The following F12 variants were observed in gnomAD, a reference collection of about 807,000 sequenced individuals.
F12 encodes the protein Hageman factor.
Under a neutral mutation model 74.8 loss-of-function variants are expected in F12, and 70 were observed. The observed-to-expected ratio is 0.94, with a 90% CI of 0.77 to 1.14. The LOEUF is 1.14. Among genes scored for constraint, F12 ranks in the 50% most tolerant of loss-of-function variants. The probability of loss-of-function intolerance (pLI) is 0.00; values close to 1 mark genes in which losing one functional copy is unlikely to be tolerated. For synonymous variants in F12, 373 were observed against 356.4 expected, an observed-to-expected ratio of 1.05 and a Z score of -0.52; for missense variants, 811 against 835.7, an observed-to-expected ratio of 0.97 and a Z score of 0.36.
Position 177,409,361 on chromosome 5 carries a change from G to C in F12, c.57+110C>G, listed in dbSNP as rs2127362652. ...GGGCTGGCCTCACCTTTCCACATAG[G>C]CCTCCTAGTCACCTGGACCCACAGG... On this transcript the variant is annotated intron_variant, in intron 1 of 13. Coordinates refer to ENST00000253496, the MANE Select transcript of F12 (RefSeq NM_000505.4). 1.4e-5 allele frequency: 18 copies of C among 1,326,376 alleles called. No individual in the cohort carries two copies. In the South Asian group the frequency reaches 1.9e-4, roughly 14 times the overall value. The allele number at this position is 1,326,376 out of a possible 1,614,324, so 82.2% of individuals were successfully genotyped here.
Position 177,402,254 on chromosome 5 carries a change from C to T in F12, c.*38G>A, listed in dbSNP as rs1372467660. The T allele has an allele frequency of 9.3e-6, 15 of 1,610,282 alleles. No individual in the cohort carries two copies. The highest frequency in any genetic ancestry group is 1.3e-5 in the Non-Finnish European group (15 of 1,178,596). The stretch of plus-strand genomic sequence containing the variant: ...CCATGCCCCAGCCACTCTCTCACTG[C>T]GGAATCACCAAGGAGGGAAAGATGA... On this transcript the variant is annotated 3_prime_UTR_variant, in exon 14 of 14. Transcript: ENST00000253496.
At chr5:177,405,571 G>T in intron 4 of F12, 138 bp from the exon 5 acceptor site, 1 of 1,188,232 alleles carries the variant, frequency 8.4e-7, no homozygotes, top group Non-Finnish European at 1.2e-6. Context: ...TGCAAAATGG[G>T]ACCACTCCTT....
chr5:177,405,964 G>C lies in F12; in HGVS notation c.213C>G (p.Pro71=). 1.9e-6 allele frequency: 3 copies of C among 1,613,850 alleles called. No homozygotes were observed. Among genetic ancestry groups the C allele is most frequent in the Non-Finnish European group, 2.5e-6 (3 of 1,179,800 alleles). Residue 71 remains proline, a splice_region_variant and synonymous_variant, in exon 3 of 14, where the codon CCC becomes CCG. Coordinates refer to ENST00000253496, the MANE Select transcript of F12 (RefSeq NM_000505.4). ...CCAACTCCTCTGCGTAGTCTTACCA[G>C]GGCTGAGGGCCTGGCCGGCCCTTGT... The part of the protein sequence containing the change: ...CTHKGRPGPQ[P]WCATTPNFDQ...
In F12 at chr5:177,404,227, G is replaced by T; in HGVS notation, c.987C>A (p.Thr329=). The T allele has an allele frequency of 1.2e-6, 2 of 1,603,256 alleles. No homozygotes were observed. The highest frequency in any genetic ancestry group is 1.7e-6 in the Non-Finnish European group (2 of 1,173,560). Reference sequence around the variant, plus strand: ...GGGTCTGGGACTGAGGCGGGGTCCGGGTCGTGGGCTGAGGCTTCGGCGGTG... The same window carrying T: ...GGGTCTGGGACTGAGGCGGGGTCCGTGTCGTGGGCTGAGGCTTCGGCGGTG... ...QPAPPKPQPT[T]RTPPQSQTPG... The change falls in exon 9 of 14, where the codon ACC becomes ACA. Residue 329 remains threonine (T), a synonymous_variant. Coordinates refer to ENST00000253496, the MANE Select transcript of F12 (RefSeq NM_000505.4).
chr5:177,406,285 A>AG (rs938014428), intron 2 of F12, among the ~76,000 whole-genome samples: 6 of 152,128 alleles, frequency 3.9e-5, no homozygotes, highest in East Asian at 1.9e-4. Context: ...TCAGGAGATC[A>AG]AGACCATCCT....
chr5:177,409,129 A>G (rs1476527133), intron 1 of F12, 26 bp from the exon 2 acceptor site: 15 of 1,549,338 alleles, frequency 9.7e-6, no homozygotes, highest in Non-Finnish European at 1.3e-5. Flanking sequence ...GAAGGCAGGG[A>G]ACTGACTATA....
chr5:177,406,626 T>A (rs1390905874), intron 2 of F12, among the ~76,000 whole-genome samples: 1 of 152,230 alleles, frequency 6.6e-6, no homozygotes, highest in Non-Finnish European at 1.5e-5. Flanking sequence ...AAGTAGGCAC[T>A]TAATAATACT....
chr5:177,402,433 A>G lies in F12; in HGVS notation c.1707T>C (p.Cys569=), dbSNP rs1250453681. ...CQGDSGGPLV[C]EDQAAERRLT... ...GCCGGCGCTCTGCAGCTTGGTCCTC[A>G]CACACCAGCGGGCCTCCGGAATCAC... The change falls in exon 14 of 14, where the codon TGT becomes TGC. Residue 569 remains cysteine (C), a synonymous_variant. Coordinates refer to ENST00000253496, the MANE Select transcript of F12 (RefSeq NM_000505.4). 1 of 1,610,770 alleles carries G rather than the reference A, an allele frequency of 6.2e-7. No individual in the cohort carries two copies. Among genetic ancestry groups the G allele is most frequent in the Admixed American group, 1.7e-5 (1 of 59,690 alleles).
chr5:177,402,238 A>T lies in F12; in HGVS notation c.*54T>A. The T allele has an allele frequency of 6.2e-7, 1 of 1,605,180 alleles. No homozygotes were observed. Among genetic ancestry groups the T allele is most frequent in the Non-Finnish European group, 8.5e-7 (1 of 1,175,966 alleles). On this transcript the variant is annotated 3_prime_UTR_variant, in exon 14 of 14. Coordinates refer to ENST00000253496, the MANE Select transcript of F12 (RefSeq NM_000505.4). Reference sequence around the variant, plus strand: ...GACACAATCTTGCCTTCCATGCCCCAGCCACTCTCTCACTGCGGAATCACC... The same window carrying T: ...GACACAATCTTGCCTTCCATGCCCCTGCCACTCTCTCACTGCGGAATCACC...
At chr5:177,407,572 G>T (rs1763320754) in intron 2 of F12, among the ~76,000 whole-genome samples, 2 of 152,106 alleles carry the variant, frequency 1.3e-5, no homozygotes, top group Admixed American at 1.3e-4. Flanking sequence ...ACCACCTGAG[G>T]GCAGGAGTTC....
At position 177,404,370 on chromosome 5, in the gene F12, G is replaced by T. The variant is rs1763230008; in HGVS notation, c.844C>A (p.Arg282Ser). ...DIRPWCFVLNRDRLSWEYCDL... is the reference protein window; with the variant it reads ...DIRPWCFVLNSDRLSWEYCDL... The stretch of plus-strand genomic sequence containing the variant: ...CAGTACTCCCAGCTCAGCCGGTCGC[G>T]GTTCAGCACGAAGCACCACGGGCGG... The change falls in exon 9 of 14, where the codon CGC (arginine) becomes AGC (serine). Residue 282 changes from arginine to serine, a missense_variant. Arg to Ser is a moderately radical substitution (Grantham distance 110). Coordinates refer to ENST00000253496, the MANE Select transcript of F12 (RefSeq NM_000505.4). 1 of 1,611,942 alleles carries T rather than the reference G, an allele frequency of 6.2e-7. No individual in the cohort carries two copies. The highest frequency in any genetic ancestry group is 8.5e-7 in the Non-Finnish European group (1 of 1,179,604).
intron 2 of F12, among the ~76,000 whole-genome samples, chr5:177,406,449 A>G (rs928975845): frequency 6.6e-6 from 1 of 152,086 alleles, no homozygotes; most frequent in Non-Finnish European, 1.5e-5. Context: ...AGATCGCGCC[A>G]CTGCACTCCA....
chr5:177,409,338 G>A, intron 1 of F12, 133 bp downstream of exon 1: 1 of 1,132,860 alleles, frequency 8.8e-7, no homozygotes, highest in Non-Finnish European at 1.3e-6. Flanking sequence ...GGCCTTCCGG[G>A]CTGGCCTCAC....
intron 2 of F12, among the ~76,000 whole-genome samples, chr5:177,406,443 C>G (rs1401894781): frequency 2.0e-5 from 3 of 151,780 alleles, no homozygotes; most frequent in African/African-American, 4.8e-5. Flanking sequence ...GAGCCGAGAT[C>G]GCGCCACTGC....
intron 7 of F12, 40 bp downstream of exon 7, chr5:177,404,770 C>G: frequency 6.3e-7 from 1 of 1,588,670 alleles, no homozygotes. Context: ...CCCGTCCCAC[C>G]TGGGGGCTGG....
At chr5:177,406,755 T>C (rs575828858) in intron 2 of F12, among the ~76,000 whole-genome samples, 2 of 152,374 alleles carry the variant, frequency 1.3e-5, no homozygotes, top group East Asian at 3.9e-4. Context: ...ACATTGAGAA[T>C]GTGCCTACTT....
At chr5:177,409,406 C>A in intron 1 of F12, 65 bp downstream of exon 1, 1 of 1,568,704 alleles carries the variant, frequency 6.4e-7, no homozygotes, top group Non-Finnish European at 8.8e-7. Context: ...GAGGCCATGG[C>A]TCATGGCTGT....
At position 177,404,816 on chromosome 5, in the gene F12, C is replaced by T. The variant is rs1421676750; in HGVS notation, c.628G>A (p.Asp210Asn). 2.5e-6 allele frequency: 4 copies of T among 1,605,992 alleles called. No homozygotes were observed. Among genetic ancestry groups the T allele is most frequent in the Non-Finnish European group, 3.4e-6 (4 of 1,177,260 alleles). The change falls in exon 7 of 14, where the codon GAC becomes AAC. Residue 210 changes from aspartate to asparagine, a missense_variant. Coordinates refer to ENST00000253496, the MANE Select transcript of F12 (RefSeq NM_000505.4). ...CPVGYTGAFC[D>N]VDTKASCYDG... ...GCCCCAGACCCTCACTCACCCACGT[C>T]GCAGAAGGCTCCGGTGTAGCCCACC...
rs17876020 is a variant in F12 at position 177,406,444 on chromosome 5, G to C, written c.116-383C>G. On this transcript the variant is annotated intron_variant, in intron 2 of 13. Coordinates refer to ENST00000253496, the MANE Select transcript of F12 (RefSeq NM_000505.4). ...GCGGAGCTTGCAGTGAGCCGAGATC[G>C]CGCCACTGCACTCCAGCCTGGGTGA... 6.6e-5 allele frequency among the ~76,000 whole-genome samples: 10 copies of C among 152,032 alleles called. No homozygotes were observed. The East Asian group carries it at 1.7e-3, about 27-fold the overall frequency.
Sources: allele counts gnomAD v4.1 joint callset (sites outside exome capture counted in the v4.1 genomes callset), GRCh38; gene constraint gnomAD v4.1.1; transcripts MANE v1.5; gene names NCBI Gene and HGNC (gene_info 2026-07-23, HGNC 2026-07-21).